The following FCHO2 variants were observed in gnomAD, a reference collection of about 807,000 sequenced individuals.
FCHO2 encodes the protein FCH and mu domain containing endocytic adaptor 2.
A neutral mutation model predicts 114.1 loss-of-function variants in FCHO2; 43 were observed. The ratio of observed to expected loss-of-function variants is 0.38; its 90% confidence interval spans 0.30 to 0.49. The LOEUF (loss-of-function observed/expected upper bound fraction) is 0.49, where lower values mean the gene tolerates loss of function less well. Ranked by LOEUF, FCHO2 falls within the 20% of genes least tolerant of loss-of-function variation. FCHO2 has a pLI of 0.97. For synonymous variants in FCHO2, 293 were observed against 315.2 expected, an observed-to-expected ratio of 0.93 and a Z score of 0.75; for missense variants, 807 against 950.4, an observed-to-expected ratio of 0.85 and a Z score of 1.98.
intron 11 of FCHO2, among the ~76,000 whole-genome samples, chr5:73,047,339 A>G (rs1757105627): frequency 6.6e-6 from 1 of 151,516 alleles, no homozygotes; most frequent in African/African-American, 2.4e-5. Context: ...GTGTCCTTCT[A>G]CCCCATTGCC....
intron 11 of FCHO2, among the ~76,000 whole-genome samples, chr5:73,045,417 G>A (rs897345436): frequency 6.6e-6 from 1 of 152,172 alleles, no homozygotes; most frequent in Non-Finnish European, 1.5e-5. Context: ...TATCCAGGTT[G>A]TGGTACATAT....
intron 8 of FCHO2, among the ~76,000 whole-genome samples, chr5:73,018,219 C>T (rs1274024804): frequency 6.6e-6 from 1 of 152,154 alleles, no homozygotes; most frequent in Non-Finnish European, 1.5e-5. Flanking sequence ...TCCCAAATTT[C>T]ATTAAATTTT....
intron 5 of FCHO2, chr5:72,996,855 G>C: frequency 8.8e-7 from 1 of 1,142,586 alleles, no homozygotes; most frequent in Non-Finnish European, 1.3e-6. Flanking sequence ...GGCTGGCGGA[G>C]CTGTGCCACG....
At chr5:72,980,621 T>C (rs1005803518) in intron 2 of FCHO2, among the ~76,000 whole-genome samples, 1 of 152,202 alleles carries the variant, frequency 6.6e-6, no homozygotes, top group Non-Finnish European at 1.5e-5. Flanking sequence ...TTTATGAATC[T>C]GGGTGCTCCT....
intron 10 of FCHO2, chr5:73,037,777 A>G (rs1756596390): frequency 2.9e-6 from 1 of 340,798 alleles, no homozygotes; most frequent in Non-Finnish European, 5.6e-6. Context: ...TTTTTTTGAG[A>G]TGGAGTTTCA....
intron 6 of FCHO2, among the ~76,000 whole-genome samples, chr5:73,009,112 A>G (rs918184787): frequency 1.3e-5 from 2 of 152,198 alleles, no homozygotes; most frequent in African/African-American, 4.8e-5. Context: ...GTGTAATGTC[A>G]TGGTAGCTGG....
At chr5:72,987,177 A>G (rs1753571400) in intron 2 of FCHO2, among the ~76,000 whole-genome samples, 1 of 151,772 alleles carries the variant, frequency 6.6e-6, no homozygotes. Flanking sequence ...TGCCCGGCCT[A>G]TTTTAACTAT....
rs1479916444 is a variant in FCHO2 at position 73,052,347 on chromosome 5, A to G, written c.1013A>G (p.His338Arg). ...TGAAACTCACATACCAAAGAGAACC[A>G]TTTCTACTCATCTAGTGATTCTGAC... ...ETNQNDTKENHFYSSSDSDSE... is the reference protein window; with the variant it reads ...ETNQNDTKENRFYSSSDSDSE... Residue 338 changes from histidine to arginine, a missense_variant, in exon 13 of 26, where the codon CAT becomes CGT. Coordinates refer to ENST00000430046, the MANE Select transcript of FCHO2 (RefSeq NM_138782.3). The G allele has an allele frequency of 6.2e-7, 1 of 1,607,872 alleles. No individual in the cohort carries two copies. The highest frequency in any genetic ancestry group is 1.7e-4 in the Middle Eastern group (1 of 6,048).
intron 1 of FCHO2, 52 bp downstream of exon 1, chr5:72,956,181 G>T (rs1272385913): frequency 4.6e-6 from 7 of 1,519,358 alleles, no homozygotes; most frequent in Non-Finnish European, 5.3e-6. Context: ...GGCTTTTGGC[G>T]CCTGAGCTTG....
At chr5:73,080,761 GTAT>G (rs1329831655) in intron 22 of FCHO2, among the ~76,000 whole-genome samples, 4 of 152,110 alleles carry the variant, frequency 2.6e-5, no homozygotes, top group African/African-American at 9.7e-5. Context: ...CAACAGATGT[GTAT>G]TATTCAGTGC....
intron 6 of FCHO2, among the ~76,000 whole-genome samples, chr5:73,013,600 G>A (rs1165054001): frequency 1.3e-5 from 2 of 152,128 alleles, no homozygotes; most frequent in Non-Finnish European, 2.9e-5. Context: ...AGTGTTGTAA[G>A]GTCAAAGAAA....
At chr5:73,022,294 G>A (rs1200828081) in intron 8 of FCHO2, among the ~76,000 whole-genome samples, 1 of 152,174 alleles carries the variant, frequency 6.6e-6, no homozygotes, top group Admixed American at 6.5e-5. Context: ...AAGTGGATCA[G>A]TGTTTTTCTT....
chr5:72,995,736 TA>T (rs1041116258), intron 5 of FCHO2, among the ~76,000 whole-genome samples: 1 of 152,084 alleles, frequency 6.6e-6, no homozygotes, highest in African/African-American at 2.4e-5. Flanking sequence ...TTGCTCCTTA[TA>T]AAGCTGTCAG....
intron 2 of FCHO2, among the ~76,000 whole-genome samples, chr5:72,971,713 C>G (rs1320913007): frequency 1.3e-5 from 2 of 152,182 alleles, no homozygotes; most frequent in African/African-American, 4.8e-5. Context: ...TAATTAGTCC[C>G]ATTTGTCAAT....
intron 2 of FCHO2, among the ~76,000 whole-genome samples, chr5:72,978,390 C>A (rs906115822): frequency 1.3e-5 from 2 of 152,104 alleles, no homozygotes; most frequent in Non-Finnish European, 2.9e-5. Context: ...GGAGTTCACT[C>A]ATGATTTAGC....
intron 11 of FCHO2, among the ~76,000 whole-genome samples, chr5:73,049,308 G>A (rs567457188): frequency 2.6e-4 from 39 of 152,144 alleles, no homozygotes; most frequent in African/African-American, 7.9e-4. Flanking sequence ...CAAGATACAC[G>A]TAGCCTTAAC....
intron 1 of FCHO2, among the ~76,000 whole-genome samples, chr5:72,960,576 G>T (rs1210088545): frequency 6.6e-6 from 1 of 152,074 alleles, no homozygotes; most frequent in Non-Finnish European, 1.5e-5. Context: ...AAAAGATATT[G>T]ATCAGTATTA....
At chr5:73,050,336 ATTTT>A (rs1466125664) in intron 11 of FCHO2, among the ~76,000 whole-genome samples, 1 of 146,484 alleles carries the variant, frequency 6.8e-6, no homozygotes, top group Admixed American at 6.8e-5. Context: ...TTATTTATTT[ATTTT>A]GACAGAGCTC....
intron 8 of FCHO2, among the ~76,000 whole-genome samples, chr5:73,024,621 T>A (rs1410338585): frequency 1.3e-5 from 2 of 151,748 alleles, no homozygotes; most frequent in African/African-American, 4.8e-5. Context: ...GTATTTTTAG[T>A]AGAGACGGGG....
Sources: gnomAD v4.1 joint callset for allele counts (sites outside exome capture counted in the v4.1 genomes callset) on GRCh38, gnomAD v4.1.1 for gene constraint, MANE v1.5 for transcripts, NCBI Gene and HGNC (gene_info 2026-07-23, HGNC 2026-07-21) for gene names.